LRRIQ1: variants seen among roughly 807,000 people sequenced by gnomAD.
LRRIQ1 encodes leucine-rich repeat- and IQ domain-containing protein 1.
In LRRIQ1, 210 loss-of-function variants were observed where a neutral mutation model predicts 211.9. That is an observed-to-expected ratio of 0.99 (90% CI 0.89 to 1.11). The LOEUF (loss-of-function observed/expected upper bound fraction) is 1.11. Ranked by LOEUF, LRRIQ1 falls within the 50% of genes most tolerant of loss-of-function variation. The pLI is 0.00. For synonymous variants in LRRIQ1, 699 were observed against 650.1 expected, an observed-to-expected ratio of 1.08 and a Z score of -1.14; for missense variants, 2,136 against 1,939.5, an observed-to-expected ratio of 1.10 and a Z score of -1.90.
chr12:85,093,834 C>A (rs981616941), intron 11 of LRRIQ1, among the ~76,000 whole-genome samples: 1 of 152,124 alleles, frequency 6.6e-6, no homozygotes, highest in South Asian at 2.1e-4. Flanking sequence ...TGAGCCAAGG[C>A]CTCCTTTCTC....
rs1187671337 is a variant in LRRIQ1 at position 85,243,790 on chromosome 12, G to GTAAA, written c.5017-998_5017-995dup. Reference sequence around the variant, plus strand: ...AGTAGGAAGAAGGTGGGAGGGGGATGTAAAGGTGAAGGGCAAATATCTGAA... The same window carrying GTAAA: ...AGTAGGAAGAAGGTGGGAGGGGGATGTAAATAAAGGTGAAGGGCAAATATCTGAA... On this transcript the variant is annotated intron_variant, in intron 26 of 26. Transcript: ENST00000393217. 5.3e-5 allele frequency among the ~76,000 whole-genome samples: 8 copies of GTAAA among 151,722 alleles called. No homozygotes were observed. In the East Asian group the frequency reaches 1.5e-3, roughly 29 times the overall value.
intron 13 of LRRIQ1, among the ~76,000 whole-genome samples, chr12:85,102,959 AATATAT>A (rs1197049295): frequency 7.9e-4 from 86 of 108,452 alleles, no homozygotes; most frequent in African/African-American, 2.5e-3. Context: ...AAAAAAAAAA[AATATAT>A]ATATATATAT....
intron 19 of LRRIQ1, among the ~76,000 whole-genome samples, chr12:85,146,852 G>A (rs546660520): frequency 1.5e-4 from 22 of 151,678 alleles, no homozygotes; most frequent in East Asian, 3.9e-4. Context: ...GCCTATACTC[G>A]CTGTTAGAGA....
intron 11 of LRRIQ1, among the ~76,000 whole-genome samples, chr12:85,077,675 G>A (rs1455040829): frequency 6.6e-6 from 1 of 151,938 alleles, no homozygotes; most frequent in African/African-American, 2.4e-5. Flanking sequence ...AGGCATGGTG[G>A]CTTACACCTG....
chr12:85,251,912 A>G (rs542310278), intron 1 of LRRIQ1, among the ~76,000 whole-genome samples: 4 of 151,982 alleles, frequency 2.6e-5, no homozygotes, highest in South Asian at 4.1e-4. Context: ...ATCGTTTCTG[A>G]TATTTTTCAG....
chr12:85,255,536 T>G (rs1476236923), intron 1 of LRRIQ1, among the ~76,000 whole-genome samples: 1 of 151,844 alleles, frequency 6.6e-6, no homozygotes, highest in Non-Finnish European at 1.5e-5. Flanking sequence ...TCTGGGTCTT[T>G]TAAAATCCTC....
intron 24 of LRRIQ1, among the ~76,000 whole-genome samples, chr12:85,194,463 A>G (rs1318082802): frequency 6.7e-6 from 1 of 149,910 alleles, no homozygotes; most frequent in East Asian, 1.9e-4. Flanking sequence ...CAGAAATTAT[A>G]ACAAACTATC....
intron 19 of LRRIQ1, among the ~76,000 whole-genome samples, chr12:85,150,988 C>T (rs762327900): frequency 6.6e-6 from 1 of 151,376 alleles, no homozygotes; most frequent in Non-Finnish European, 1.5e-5. Context: ...AAAATGTATT[C>T]TCTTAATGAT....
chr12:85,153,268 G>A (rs1890348594), intron 21 of LRRIQ1, 123 bp downstream of exon 21: 1 of 1,038,700 alleles, frequency 9.6e-7, no homozygotes. Context: ...AGAATATTTA[G>A]TGTTAAAAAC....
chr12:85,052,223 T>G lies in LRRIQ1; in HGVS notation c.725T>G (p.Ile242Ser). The G allele has an allele frequency of 6.4e-7, 1 of 1,560,432 alleles. No homozygotes were observed. Among genetic ancestry groups the G allele is most frequent in the Non-Finnish European group, 8.7e-7 (1 of 1,144,510 alleles). ...GATGAACTCTATAAAGAAGAGAAAA[T>G]TTGGAAAGAGAAATTTAAACAGCAT... ...MNDELYKEEK[I>S]WKEKFKQHEE... Residue 242 changes from isoleucine (I) to serine (S), a missense_variant, in exon 7 of 27, where the codon ATT becomes AGT. Coordinates refer to ENST00000393217, the MANE Select transcript of LRRIQ1 (RefSeq NM_001079910.2).
At chr12:85,224,773 A>G (rs908185788) in intron 24 of LRRIQ1, among the ~76,000 whole-genome samples, 2 of 151,908 alleles carry the variant, frequency 1.3e-5, no homozygotes, top group Non-Finnish European at 2.9e-5. Context: ...ATTAGGAGAA[A>G]TACCTAATGT....
the LRRIQ1 span, among the ~76,000 whole-genome samples, chr12:85,272,070 G>C: frequency 6.6e-6 from 1 of 152,100 alleles, no homozygotes; most frequent in African/African-American, 2.4e-5. Flanking sequence ...GTACCATAGA[G>C]ACACTTTTAT....
chr12:85,260,179 T>A (rs1173507855), intron 1 of LRRIQ1, among the ~76,000 whole-genome samples: 2 of 148,210 alleles, frequency 1.3e-5, no homozygotes, highest in Non-Finnish European at 3.0e-5. Context: ...ACCCTTTGCA[T>A]GCCTTTAGTC....
At chr12:85,267,595 G>A (rs4761127), downstream of LRRIQ1, among the ~76,000 whole-genome samples, 72,876 of 151,808 alleles carry the variant, frequency 0.48, 21,507 homozygotes, top group African/African-American at 0.84. Flanking sequence ...ATGTATCAGT[G>A]GAAAATTACA....
intron 1 of LRRIQ1, among the ~76,000 whole-genome samples, chr12:85,255,418 C>T (rs1896059221): frequency 6.6e-6 from 1 of 151,722 alleles, no homozygotes; most frequent in African/African-American, 2.4e-5. Context: ...ATTAAAACTT[C>T]AATCCCACTC....
intron 13 of LRRIQ1, among the ~76,000 whole-genome samples, chr12:85,102,955 A>ATATATAT (rs1555207722): frequency 4.2e-4 from 50 of 119,374 alleles, no homozygotes; most frequent in African/African-American, 1.5e-3. Flanking sequence ...AAAAAAAAAA[A>ATATATAT]AAAAATATAT....
chr12:85,124,663 T>C, intron 17 of LRRIQ1, 144 bp downstream of exon 17: 1 of 652,168 alleles, frequency 1.5e-6, no homozygotes, highest in Non-Finnish European at 2.6e-6. Context: ...TTTCGTGAGG[T>C]GCATTATGTT....
intron 24 of LRRIQ1, among the ~76,000 whole-genome samples, chr12:85,187,538 G>T (rs1892279312): frequency 6.6e-6 from 1 of 152,032 alleles, no homozygotes; most frequent in Non-Finnish European, 1.5e-5. Context: ...CGGGCGCGGT[G>T]GTTCACGCCT....
chr12:85,052,253 T>A lies in LRRIQ1; in HGVS notation c.753+2T>A. 1 of 1,418,900 alleles carries A rather than the reference T, an allele frequency of 7.0e-7. No homozygotes were observed. Among genetic ancestry groups the A allele is most frequent in the Non-Finnish European group, 9.8e-7 (1 of 1,025,106 alleles). 87.9% of individuals were successfully genotyped at this position (1,418,900 alleles called of 1,614,324 possible). On this transcript the variant is annotated splice_donor_variant, in intron 7 of 26. Coordinates refer to ENST00000393217, the MANE Select transcript of LRRIQ1 (RefSeq NM_001079910.2). LOFTEE classifies it high-confidence loss of function. ...AAAGAGAAATTTAAACAGCATGAGG[T>A]ATCTATTTGTTGTTTTTATTTAGCA...
Sources: allele counts gnomAD v4.1 joint callset (sites outside exome capture counted in the v4.1 genomes callset), GRCh38; gene constraint gnomAD v4.1.1; transcripts MANE v1.5; gene names NCBI Gene and HGNC (gene_info 2026-07-23, HGNC 2026-07-21).